The following AGMO variants were observed in gnomAD, a reference collection of about 807,000 sequenced individuals.
AGMO encodes the protein glyceryl-ether monooxygenase.
A neutral mutation model predicts 60.2 loss-of-function variants in AGMO; 75 were observed. The observed-to-expected ratio is 1.25, with a 90% CI of 1.03 to 1.51. The LOEUF (loss-of-function observed/expected upper bound fraction) is 1.51, where lower values mean the gene tolerates loss of function less well. Ranked by LOEUF, AGMO falls within the 40% of genes most tolerant of loss-of-function variation. The probability of loss-of-function intolerance (pLI) is 0.00; values close to 1 mark genes in which losing one functional copy is unlikely to be tolerated. For synonymous variants in AGMO, 261 were observed against 177.1 expected (o/e 1.47, Z -3.76); for missense variants, 763 against 525.5 (o/e 1.45, Z -4.42).
At chr7:15,253,855 G>A (rs1053411698) in intron 12 of AGMO, among the ~76,000 whole-genome samples, 20 of 151,960 alleles carry the variant, frequency 1.3e-4, no homozygotes, top group Admixed American at 9.8e-4. Context: ...TCCTTCTCTC[G>A]TCTATTCTCC....
chr7:15,230,797 T>A (rs866120128), intron 12 of AGMO, among the ~76,000 whole-genome samples: 2 of 152,066 alleles, frequency 1.3e-5, no homozygotes, highest in Non-Finnish European at 2.9e-5. Context: ...GCAGAATCCA[T>A]GAAACTCCTA....
In AGMO at chr7:15,560,191, C is replaced by T. The variant is rs1785266240; in HGVS notation, c.207G>A (p.Leu69=). ...WILKGKPPGR[L]DDALTSISAG... ...CTGAGATTGACGTTAAAGCATCATC[C>T]AGGCGACCTGGTGGCTTTCCTTTGA... Residue 69 remains leucine, a synonymous_variant, in exon 2 of 13, where the codon CTG becomes CTA. Coordinates refer to ENST00000342526, the MANE Select transcript of AGMO (RefSeq NM_001004320.2). The T allele has an allele frequency of 6.2e-7, 1 of 1,613,208 alleles. No individual in the cohort carries two copies. Among genetic ancestry groups the T allele is most frequent in the Middle Eastern group, 1.7e-4 (1 of 6,056 alleles).
rs779561708 is a variant in AGMO, at chr7:15,561,681, C to G, written c.126+39G>C. On this transcript the variant is annotated intron_variant, in intron 1 of 12. Transcript: ENST00000342526. ...TTGACCTTACCATTTATTAAGAAAG[C>G]AGCAAGAATAAGAGTAGCCTCTTCC... 1.8e-5 allele frequency: 28 copies of G among 1,531,068 alleles called. No individual in the cohort carries two copies. The South Asian group carries it at 2.8e-4, about 15-fold the overall frequency. 94.8% of individuals were successfully genotyped at this position (1,531,068 alleles called of 1,614,324 possible).
chr7:15,334,226 CAT>C (rs764213119), intron 12 of AGMO, among the ~76,000 whole-genome samples: 4 of 150,194 alleles, frequency 2.7e-5, no homozygotes, highest in Non-Finnish European at 5.9e-5. Context: ...ATTGAAATGA[CAT>C]ATAGAAATGT....
intron 3 of AGMO, among the ~76,000 whole-genome samples, chr7:15,539,475 TC>T (rs34119745): frequency 0.49 from 73,668 of 151,862 alleles, 18,978 homozygotes; most frequent in East Asian, 0.84. Flanking sequence ...ATGATCTCTT[TC>T]TTTTTTATGA....
chr7:15,157,061 C>T, the AGMO span, among the ~76,000 whole-genome samples: 1 of 152,116 alleles, frequency 6.6e-6, no homozygotes, highest in South Asian at 2.1e-4. Flanking sequence ...ATTATTTCTA[C>T]AATTATATCA....
chr7:15,333,168 T>C (rs571881338), intron 12 of AGMO, among the ~76,000 whole-genome samples: 26 of 152,286 alleles, frequency 1.7e-4, no homozygotes, highest in Non-Finnish European at 2.8e-4. Context: ...ACTTTGTAGC[T>C]TGAAATGGAT....
chr7:15,156,146 G>C, the AGMO span, among the ~76,000 whole-genome samples: 1 of 152,182 alleles, frequency 6.6e-6, no homozygotes, highest in South Asian at 2.1e-4. Context: ...GTGTGCATGC[G>C]CACCAGCAAG....
intron 3 of AGMO, among the ~76,000 whole-genome samples, chr7:15,461,542 G>C (rs1583576492): frequency 1.3e-5 from 2 of 152,044 alleles, no homozygotes; most frequent in East Asian, 3.9e-4. Flanking sequence ...TATTTTATTT[G>C]AGCTCTCCTT....
chr7:15,376,750 A>T (rs1211200512), intron 10 of AGMO, among the ~76,000 whole-genome samples: 1 of 152,082 alleles, frequency 6.6e-6, no homozygotes, highest in Non-Finnish European at 1.5e-5. Context: ...TGTACTCATG[A>T]TATCACCCCA....
chr7:15,480,775 T>C (rs548784801), intron 3 of AGMO, among the ~76,000 whole-genome samples: 2 of 152,226 alleles, frequency 1.3e-5, no homozygotes, highest in Admixed American at 6.5e-5. Context: ...TCAAAGCACC[T>C]GCCACTGCTA....
chr7:15,457,366 A>C (rs1298741522), intron 3 of AGMO, among the ~76,000 whole-genome samples: 1 of 152,174 alleles, frequency 6.6e-6, no homozygotes, highest in African/African-American at 2.4e-5. Flanking sequence ...AATTTTGTTT[A>C]ATCTTGGATT....
At chr7:15,294,507 A>C (rs1433517294) in intron 12 of AGMO, among the ~76,000 whole-genome samples, 1 of 151,954 alleles carries the variant, frequency 6.6e-6, no homozygotes, top group African/African-American at 2.4e-5. Flanking sequence ...TTTCAACAAC[A>C]AAAATACAAA....
At chr7:15,213,645 C>T (rs532680187) in intron 12 of AGMO, among the ~76,000 whole-genome samples, 1 of 151,946 alleles carries the variant, frequency 6.6e-6, no homozygotes, top group East Asian at 1.9e-4. Flanking sequence ...ATGGAAGAGA[C>T]AGATTCCAAA....
At chr7:15,167,164 A>G in the AGMO span, among the ~76,000 whole-genome samples, 1 of 152,210 alleles carries the variant, frequency 6.6e-6, no homozygotes, top group Non-Finnish European at 1.5e-5. Flanking sequence ...AACAATGTCC[A>G]TGAATATTGA....
intron 3 of AGMO, among the ~76,000 whole-genome samples, chr7:15,539,349 T>C (rs946000526): frequency 3.3e-5 from 5 of 152,128 alleles, no homozygotes; most frequent in Admixed American, 3.3e-4. Context: ...CTAGCATCCA[T>C]GTGTTCTCGT....
At chr7:15,199,171 G>A (rs902932263), downstream of AGMO, among the ~76,000 whole-genome samples, 1 of 152,096 alleles carries the variant, frequency 6.6e-6, no homozygotes, top group African/African-American at 2.4e-5. Context: ...TTTTTTCACT[G>A]TTATAATTTT....
downstream of AGMO, among the ~76,000 whole-genome samples, chr7:15,197,341 A>G (rs1458052826): frequency 1.3e-5 from 2 of 152,184 alleles, no homozygotes; most frequent in African/African-American, 4.8e-5. Flanking sequence ...CAGATTCCAC[A>G]CTGAGGGATT....
chr7:15,453,374 T>C (rs1435703682), intron 3 of AGMO, among the ~76,000 whole-genome samples: 3 of 152,216 alleles, frequency 2.0e-5, no homozygotes, highest in Non-Finnish European at 4.4e-5. Flanking sequence ...TTCTAAGTAA[T>C]GTGGACCAAT....
Sources: allele counts gnomAD v4.1 joint callset (sites outside exome capture counted in the v4.1 genomes callset), GRCh38; gene constraint gnomAD v4.1.1; transcripts MANE v1.5; gene names NCBI Gene and HGNC (gene_info 2026-07-23, HGNC 2026-07-21).